PLAGL1: variants seen among roughly 807,000 people sequenced by gnomAD.
PLAGL1 encodes zinc finger protein PLAGL1.
Under a neutral mutation model 4.6 loss-of-function variants are expected in PLAGL1, and 1 was observed. The observed-to-expected ratio is 0.22, with a 90% CI of 0.08 to 1.03. PLAGL1 has a LOEUF of 1.03. Ranked by LOEUF, PLAGL1 falls within the 50% of genes least tolerant of loss-of-function variation. The probability of loss-of-function intolerance (pLI) is 0.58; values close to 1 mark genes in which losing one functional copy is unlikely to be tolerated. For synonymous variants in PLAGL1, 240 were observed against 237.8 expected, an observed-to-expected ratio of 1.01 and a Z score of -0.08; for missense variants, 464 against 570.4, an observed-to-expected ratio of 0.81 and a Z score of 1.90.
Position 143,968,456 on chromosome 6 carries a change from AC to A in PLAGL1, c.-472+450del, listed in dbSNP as rs372193618. ...TATCTGATTCTAAATGGTGGACCCT[AC>A]CTCAGTTTTTTTTTTCCTAATATTT... On this transcript the variant is annotated intron_variant, in intron 3 of 7. Transcript: ENST00000674357. The surrounding 1 kb of genome is among the most constrained non-coding windows in gnomAD (Gnocchi z 6.3). The A allele has an allele frequency of 1.3e-3, 193 of 148,344 alleles. 1 individual carries two copies. Among genetic ancestry groups the A allele is most frequent in the African/African-American group, 4.4e-3 (182 of 41,384 alleles). The allele number at this position is 148,344 out of a possible 1,614,324, so 9.2% of individuals were successfully genotyped here.
chr6:144,024,522 C>A (rs115337487), intron 1 of PLAGL1, among the ~76,000 whole-genome samples: 119 of 152,224 alleles, frequency 7.8e-4, no homozygotes, highest in African/African-American at 2.6e-3. Flanking sequence ...TCTTGCCTGC[C>A]GCCATGTAAG....
At position 144,016,658 on chromosome 6, in the gene PLAGL1, T is replaced by C. The variant is rs1795586848; in HGVS notation, c.-150-47680A>G. 6.6e-6 allele frequency among the ~76,000 whole-genome samples: 1 copy of C among 152,234 alleles called. No individual in the cohort carries two copies. The highest frequency in any genetic ancestry group is 1.5e-5 in the Non-Finnish European group (1 of 68,052). On this transcript the variant is annotated intron_variant, in intron 1 of 3. Transcript: ENST00000437412. This position sits in a 1 kb window ranked among gnomAD's most constrained non-coding sequence, Gnocchi z 4.2. Reference sequence around the variant, plus strand: ...ATTTTACAAGGTGATAGAAATGTTCTACCTCTTGGTTAGTAAGAAGATTGC... The same window carrying C: ...ATTTTACAAGGTGATAGAAATGTTCCACCTCTTGGTTAGTAAGAAGATTGC...
intron 1 of PLAGL1, among the ~76,000 whole-genome samples, chr6:143,993,905 C>T (rs766028073): frequency 6.6e-6 from 1 of 152,006 alleles, no homozygotes; most frequent in African/African-American, 2.4e-5. Context: ...ACTGTGCTGC[C>T]GAAAAGAATA....
chr6:143,959,532 T>C lies in PLAGL1; in HGVS notation c.-325+937A>G, dbSNP rs1191624366. Among the ~76,000 whole-genome samples, 1 of 152,196 alleles carries C rather than the reference T, an allele frequency of 6.6e-6. No homozygotes were observed. The highest frequency in any genetic ancestry group is 2.4e-5 in the African/African-American group (1 of 41,442). On this transcript the variant is annotated intron_variant, in intron 6 of 7. Transcript: ENST00000674357. This position sits in a 1 kb window ranked among gnomAD's most constrained non-coding sequence, Gnocchi z 5.3. ...TTTCTTGGTCAATAAATCCAAATATTTAGTGACAATATTGTATTTCAGTAG... is the reference window on the plus strand; with the variant it reads ...TTTCTTGGTCAATAAATCCAAATATCTAGTGACAATATTGTATTTCAGTAG...
At chr6:143,956,923 G>A (rs1782269399) in intron 6 of PLAGL1, among the ~76,000 whole-genome samples, 1 of 152,234 alleles carries the variant, frequency 6.6e-6, no homozygotes, top group Non-Finnish European at 1.5e-5. Context: ...TCACAGGTCT[G>A]GGGCCCCTTC....
At chr6:143,943,154 G>A (rs1357420102) in intron 7 of PLAGL1, among the ~76,000 whole-genome samples, 6 of 150,478 alleles carry the variant, frequency 4.0e-5, no homozygotes, top group Non-Finnish European at 7.4e-5. Context: ...AAGAGTCACC[G>A]TGCCTGGCCA....
Position 144,004,801 on chromosome 6 carries a change from A to C in PLAGL1, c.-584+3289T>G, listed in dbSNP as rs1793797197. 2.6e-5 allele frequency: 4 copies of C among 152,034 alleles called. No homozygotes were observed. The highest frequency in any genetic ancestry group is 2.6e-4 in the Admixed American group (4 of 15,252). 9.4% of individuals were successfully genotyped at this position (152,034 alleles called of 1,614,324 possible). On this transcript the variant is annotated intron_variant, in intron 1 of 7. Transcript: ENST00000674357. This position sits in a 1 kb window ranked among gnomAD's most constrained non-coding sequence, Gnocchi z 4.2. The stretch of plus-strand genomic sequence containing the variant: ...AAATCTACCTTAAAAGATGTGGGTG[A>C]TAGAGTGAGGAAGTCTAACAGAAGT...
chr6:143,981,204 T>G (rs1226096512), intron 2 of PLAGL1, among the ~76,000 whole-genome samples: 1 of 123,378 alleles, frequency 8.1e-6, no homozygotes, highest in African/African-American at 3.1e-5. Context: ...GTCTTCTGAG[T>G]ACACCATCTA....
Position 143,949,827 on chromosome 6 carries a change from A to T in PLAGL1, c.-324-1367T>A, listed in dbSNP as rs1780642081. ...CAGTCATTTATTGCCATGTCTCTAGAGTTGCTCTTTATTGTTAAAAGTTAA... is the reference window on the plus strand; with the variant it reads ...CAGTCATTTATTGCCATGTCTCTAGTGTTGCTCTTTATTGTTAAAAGTTAA... On this transcript the variant is annotated intron_variant, in intron 6 of 7. Coordinates refer to ENST00000674357, the MANE Select transcript of PLAGL1 (RefSeq NM_001317162.2). The surrounding 1 kb of genome is among the most constrained non-coding windows in gnomAD (Gnocchi z 5.3). 6.6e-6 allele frequency among the ~76,000 whole-genome samples: 1 copy of T among 152,150 alleles called. No individual in the cohort carries two copies. Among genetic ancestry groups the T allele is most frequent in the East Asian group, 1.9e-4 (1 of 5,198 alleles).
chr6:144,017,373 TA>T (rs60420134), intron 1 of PLAGL1, among the ~76,000 whole-genome samples: 26,137 of 152,018 alleles, frequency 0.17, 2,750 homozygotes, highest in South Asian at 0.24. Flanking sequence ...TCCATCTAGG[TA>T]TCACTTCCCC....
At chr6:144,032,357 C>G (rs1373141281) in intron 1 of PLAGL1, among the ~76,000 whole-genome samples, 5 of 149,928 alleles carry the variant, frequency 3.3e-5, no homozygotes, top group Non-Finnish European at 5.9e-5. Context: ...GTCCTGGGCT[C>G]AAGTGATCCT....
rs539457996 is a variant in PLAGL1 at position 144,046,995 on chromosome 6, C to T, written c.-151+17473G>A. Among the ~76,000 whole-genome samples the T allele has an allele frequency of 1.5e-4, 23 of 152,334 alleles. 1 individual carries two copies. The South Asian group carries it at 2.7e-3, about 18-fold the overall frequency. On this transcript the variant is annotated intron_variant, in intron 1 of 3. Coordinates refer to the PLAGL1 transcript ENST00000437412. ...AACAAGGCTCTGTGGGCGTGGGACC[C>T]GCTGAGCCAGGAGCAGGATATGATC...
intron 2 of PLAGL1, among the ~76,000 whole-genome samples, chr6:143,977,450 AT>A (rs1786893139): frequency 1.2e-5 from 1 of 81,360 alleles, no homozygotes; most frequent in African/African-American, 4.8e-5. Flanking sequence ...TTTTTTTTTT[AT>A]TTTTTTCTTC....
intron 1 of PLAGL1, among the ~76,000 whole-genome samples, chr6:144,038,938 A>G (rs576236678): frequency 6.6e-6 from 1 of 152,374 alleles, no homozygotes; most frequent in Admixed American, 6.5e-5. Flanking sequence ...GGTGAATTGT[A>G]TGATATGTGA....
chr6:143,980,897 C>T (rs1412407743), intron 2 of PLAGL1, among the ~76,000 whole-genome samples: 1 of 152,182 alleles, frequency 6.6e-6, no homozygotes, highest in Non-Finnish European at 1.5e-5. Context: ...GCAAACTAGG[C>T]CCACAGGCCA....
At chr6:143,977,451 T>G (rs12190956) in intron 2 of PLAGL1, among the ~76,000 whole-genome samples, 2 of 141,372 alleles carry the variant, frequency 1.4e-5, no homozygotes, top group African/African-American at 2.5e-5. Context: ...TTTTTTTTTA[T>G]TTTTTTCTTC....
At chr6:143,986,493 CT>C (rs1392024479) in intron 1 of PLAGL1, among the ~76,000 whole-genome samples, 1 of 152,072 alleles carries the variant, frequency 6.6e-6, no homozygotes, top group Non-Finnish European at 1.5e-5. Context: ...GTCAAGATTA[CT>C]CTTGAAAAAG....
rs376719808 is a variant in PLAGL1, at chr6:143,995,142, A to G, written c.-583-9968T>C. Reference sequence around the variant, plus strand: ...TTTTCTTATTTGTACAAAGGAGATAAAACTATTCTCAGGTTGTTGGAACAA... The same window carrying G: ...TTTTCTTATTTGTACAAAGGAGATAGAACTATTCTCAGGTTGTTGGAACAA... On this transcript the variant is annotated intron_variant, in intron 1 of 7. Coordinates refer to ENST00000674357, the MANE Select transcript of PLAGL1 (RefSeq NM_001317162.2). This position sits in a 1 kb window ranked among gnomAD's most constrained non-coding sequence, Gnocchi z 4.4. Among the ~76,000 whole-genome samples the G allele has an allele frequency of 1.7e-5, 1 of 57,796 alleles. No individual in the cohort carries two copies. The highest frequency in any genetic ancestry group is 4.3e-5 in the Non-Finnish European group (1 of 23,452). The allele number at this position is 57,796 out of a possible 152,430, so 37.9% of individuals were successfully genotyped here.
intron 1 of PLAGL1, among the ~76,000 whole-genome samples, chr6:144,002,665 A>T (rs1355903234): frequency 2.6e-5 from 4 of 152,170 alleles, no homozygotes; most frequent in Non-Finnish European, 5.9e-5. Context: ...GGGGGAAAAA[A>T]AAAACTCCAC....
Sources: gnomAD v4.1 joint callset for allele counts (sites outside exome capture counted in the v4.1 genomes callset) on GRCh38, gnomAD v4.1.1 for gene constraint, Gnocchi (gnomAD v3.1) non-coding constraint, MANE v1.5 for transcripts, NCBI Gene and HGNC (gene_info 2026-07-23, HGNC 2026-07-21) for gene names.